GRM7: variants seen among roughly 807,000 people sequenced by gnomAD.
The protein encoded by GRM7 is metabotropic glutamate receptor 7.
In GRM7, 35 loss-of-function variants were observed where a neutral mutation model predicts 84.5. That is an observed-to-expected ratio of 0.41 (90% CI 0.32 to 0.55). The LOEUF (loss-of-function observed/expected upper bound fraction) is 0.55. Ranked by LOEUF, GRM7 falls within the 20% of genes least tolerant of loss-of-function variation. The pLI, the probability that GRM7 is intolerant of heterozygous loss-of-function variation, is 0.19. For synonymous variants in GRM7, 487 were observed against 455.1 expected (o/e 1.07, Z -0.89); for missense variants, 1,003 against 1,194.6 (o/e 0.84, Z 2.36).
At chr3:7,412,590 C>A (rs917212249) in intron 4 of GRM7, among the ~76,000 whole-genome samples, 11 of 152,118 alleles carry the variant, frequency 7.2e-5, no homozygotes, top group Admixed American at 4.6e-4. Context: ...GAGGAAAGAA[C>A]CAGATTGGTG....
chr3:7,425,262 C>T (rs368598534), intron 5 of GRM7, among the ~76,000 whole-genome samples: 8 of 152,196 alleles, frequency 5.3e-5, no homozygotes, highest in African/African-American at 1.7e-4. Flanking sequence ...TTCTTTTCTC[C>T]TTTCTTGAAA....
At chr3:7,454,102 T>TCTCTCTCA (rs1575360065) in intron 6 of GRM7, among the ~76,000 whole-genome samples, 1 of 82,188 alleles carries the variant, frequency 1.2e-5, no homozygotes, top group East Asian at 2.4e-4. Flanking sequence ...TCTCTCTCTC[T>TCTCTCTCA]CTCTCTCTCT....
chr3:7,503,649 G>T (rs1027440798), intron 7 of GRM7, among the ~76,000 whole-genome samples: 1 of 152,136 alleles, frequency 6.6e-6, no homozygotes, highest in Non-Finnish European at 1.5e-5. Flanking sequence ...GTGTATGATA[G>T]ATGATTACTT....
intron 1 of GRM7, among the ~76,000 whole-genome samples, chr3:7,020,865 C>A (rs1019243450): frequency 1.3e-5 from 2 of 152,088 alleles, no homozygotes; most frequent in African/African-American, 4.8e-5. Context: ...GTCCAGTTGA[C>A]AGAATGTAGT....
At chr3:7,273,217 C>G (rs948333159) in intron 2 of GRM7, among the ~76,000 whole-genome samples, 1 of 71,596 alleles carries the variant, frequency 1.4e-5, no homozygotes, top group Admixed American at 1.8e-4. Flanking sequence ...CACAGACAGA[C>G]ATTGTATGAT....
At chr3:7,354,643 A>G (rs761424991) in intron 4 of GRM7, among the ~76,000 whole-genome samples, 40 of 152,100 alleles carry the variant, frequency 2.6e-4, no homozygotes, top group Admixed American at 1.2e-3. Context: ...TCCCCATTCT[A>G]TTTTCCTATT....
chr3:6,861,538 C>A lies in GRM7; in HGVS notation c.150C>A (p.Thr50=). The A allele has an allele frequency of 6.3e-7, 1 of 1,582,448 alleles. No homozygotes were observed. The highest frequency in any genetic ancestry group is 8.6e-7 in the Non-Finnish European group (1 of 1,164,304). ...PHSIRIEGDV[T]LGGLFPVHAK... Reference sequence around the variant, plus strand: ...CAATCCGGATCGAGGGGGACGTCACCCTCGGGGGGCTGTTCCCCGTGCACG... The same window carrying A: ...CAATCCGGATCGAGGGGGACGTCACACTCGGGGGGCTGTTCCCCGTGCACG... Residue 50 remains threonine (T), a synonymous_variant, in exon 1 of 10, where the codon ACC becomes ACA. Transcript: ENST00000357716. The surrounding 1 kb of genome is among the most constrained non-coding windows in gnomAD (Gnocchi z 6.4).
intron 1 of GRM7, among the ~76,000 whole-genome samples, chr3:6,969,956 T>C (rs1448633141): frequency 6.6e-6 from 1 of 152,224 alleles, no homozygotes; most frequent in Non-Finnish European, 1.5e-5. Flanking sequence ...GAAATGCATG[T>C]GCCTTTTCCT....
intron 1 of GRM7, among the ~76,000 whole-genome samples, chr3:7,035,485 A>G (rs1696354703): frequency 6.6e-6 from 1 of 152,210 alleles, no homozygotes; most frequent in Non-Finnish European, 1.5e-5. Context: ...ATACTATTTC[A>G]AGGCCTATAC....
At chr3:7,313,480 A>G (rs549180720) in intron 4 of GRM7, among the ~76,000 whole-genome samples, 2 of 152,288 alleles carry the variant, frequency 1.3e-5, no homozygotes, top group South Asian at 4.1e-4. Flanking sequence ...ATTTTGTTAT[A>G]TGCAACCTAA....
intron 2 of GRM7, among the ~76,000 whole-genome samples, chr3:7,149,099 CA>C (rs1694198790): frequency 6.6e-6 from 1 of 151,996 alleles, no homozygotes; most frequent in African/African-American, 2.4e-5. Flanking sequence ...GTATTTATAA[CA>C]AAATGCATTG....
chr3:7,503,957 T>G (rs1217920969), intron 7 of GRM7, among the ~76,000 whole-genome samples: 1 of 152,182 alleles, frequency 6.6e-6, no homozygotes, highest in African/African-American at 2.4e-5. Flanking sequence ...GGATGGACAC[T>G]GGGAATATCA....
intron 7 of GRM7, among the ~76,000 whole-genome samples, chr3:7,516,425 C>T (rs528402487): frequency 4.7e-5 from 6 of 127,698 alleles, no homozygotes; most frequent in Non-Finnish European, 6.2e-5. Flanking sequence ...TGCAGTGAGC[C>T]GATATCGTGC....
At chr3:7,320,284 A>G (rs1036534381) in intron 4 of GRM7, among the ~76,000 whole-genome samples, 2 of 152,028 alleles carry the variant, frequency 1.3e-5, no homozygotes, top group African/African-American at 4.8e-5. Flanking sequence ...ATACAAATCT[A>G]TTTAATAAAA....
At chr3:7,660,581 TTATAA>T (rs1226219798) in intron 8 of GRM7, among the ~76,000 whole-genome samples, 7 of 152,174 alleles carry the variant, frequency 4.6e-5, no homozygotes, top group African/African-American at 1.7e-4. Flanking sequence ...ATTCTCCAAA[TTATAA>T]TATAAATTCA....
chr3:7,105,105 A>G (rs1396447358), intron 1 of GRM7, among the ~76,000 whole-genome samples: 1 of 151,842 alleles, frequency 6.6e-6, no homozygotes, highest in East Asian at 1.9e-4. Context: ...TTTTAGGCCT[A>G]TATCTGAAAT....
rs183101616 is a variant in GRM7 at position 7,092,012 on chromosome 3, T to A, written c.520-54440T>A. ...TTTATTTTATTTATTTATTATTTATTTATTTTAATATTTTGAGATGGAATC... is the reference window on the plus strand; with the variant it reads ...TTTATTTTATTTATTTATTATTTATATATTTTAATATTTTGAGATGGAATC... On this transcript the variant is annotated intron_variant, in intron 1 of 9. Transcript: ENST00000357716. Among the ~76,000 whole-genome samples the A allele has an allele frequency of 4.6e-5, 7 of 151,980 alleles. No individual in the cohort carries two copies. In the East Asian group the frequency reaches 1.4e-3, roughly 29 times the overall value.
intron 7 of GRM7, among the ~76,000 whole-genome samples, chr3:7,473,520 G>GAGAGAGAGAA (rs1559347639): frequency 6.6e-6 from 1 of 151,356 alleles, no homozygotes; most frequent in East Asian, 1.9e-4. Context: ...GAGAGAGAGA[G>GAGAGAGAGAA]AGAGAGAGAG....
chr3:7,713,134 T>TTG (rs1553640902), intron 9 of GRM7, among the ~76,000 whole-genome samples: 4 of 83,544 alleles, frequency 4.8e-5, no homozygotes, highest in East Asian at 7.4e-4. Context: ...GTTTTTTTTT[T>TTG]TTTTTTTTTT....
Sources: gnomAD v4.1 joint callset for allele counts (sites outside exome capture counted in the v4.1 genomes callset) on GRCh38, gnomAD v4.1.1 for gene constraint, Gnocchi (gnomAD v3.1) non-coding constraint, MANE v1.5 for transcripts, NCBI Gene and HGNC (gene_info 2026-07-23, HGNC 2026-07-21) for gene names.